Variants in MALRD1 observed in about 807,000 individuals in gnomAD.
MALRD1 encodes the protein MAM and LDL receptor class A domain containing 1.
In MALRD1, 247 loss-of-function variants were observed where a neutral mutation model predicts 242.1. The observed-to-expected ratio is 1.02, with a 90% CI of 0.92 to 1.13. The LOEUF is 1.13. Among genes scored for constraint, MALRD1 ranks in the 50% most tolerant of loss-of-function variants. MALRD1 has a pLI of 0.00. For missense variants in MALRD1, 2,989 were observed against 2,533.1 expected, an observed-to-expected ratio of 1.18 and a Z score of -3.86; for synonymous variants, 995 against 866.6, an observed-to-expected ratio of 1.15 and a Z score of -2.60.
chr10:19,540,676 A>G (rs1032904369), intron 32 of MALRD1, among the ~76,000 whole-genome samples: 1 of 152,188 alleles, frequency 6.6e-6, no homozygotes, highest in African/African-American at 2.4e-5. Flanking sequence ...CCCATCTCAT[A>G]GTTATCACTT....
intron 25 of MALRD1, 105 bp downstream of exon 25, chr10:19,348,123 T>C (rs1844213582): frequency 1.4e-6 from 2 of 1,385,920 alleles, no homozygotes; most frequent in Non-Finnish European, 1.9e-6. Context: ...AGAGAAAAGA[T>C]GAGTTTGAAT....
chr10:19,413,819 C>T (rs940470126), intron 28 of MALRD1, among the ~76,000 whole-genome samples: 8 of 151,916 alleles, frequency 5.3e-5, no homozygotes, highest in South Asian at 4.2e-4. Context: ...CCATCTCTGG[C>T]GGGTACCTGT....
intron 17 of MALRD1, among the ~76,000 whole-genome samples, chr10:19,207,207 A>T (rs1042855576): frequency 9.2e-5 from 14 of 152,324 alleles, no homozygotes; most frequent in African/African-American, 3.1e-4. Context: ...CATGTAAATG[A>T]AGCTAAAATG....
At chr10:19,634,947 G>A (rs112622716) in intron 36 of MALRD1, among the ~76,000 whole-genome samples, 9 of 152,260 alleles carry the variant, frequency 5.9e-5, no homozygotes, top group African/African-American at 1.9e-4. Flanking sequence ...GCAACATCCT[G>A]TACCCCTGAA....
At chr10:19,590,624 A>T (rs1335059373) in intron 33 of MALRD1, among the ~76,000 whole-genome samples, 1 of 152,094 alleles carries the variant, frequency 6.6e-6, no homozygotes, top group Non-Finnish European at 1.5e-5. Flanking sequence ...TTTTCATAAG[A>T]CAGATCAATA....
At chr10:19,363,565 C>T (rs1338423562) in intron 26 of MALRD1, among the ~76,000 whole-genome samples, 5 of 152,124 alleles carry the variant, frequency 3.3e-5, no homozygotes, top group African/African-American at 7.2e-5. Context: ...CCTTGAAATC[C>T]CTTGTCTAAT....
At chr10:19,649,085 C>A (rs888534497) in intron 36 of MALRD1, among the ~76,000 whole-genome samples, 2 of 152,318 alleles carry the variant, frequency 1.3e-5, no homozygotes, top group African/African-American at 2.4e-5. Flanking sequence ...CTTTTTATGG[C>A]TGCATAATAT....
chr10:19,460,877 C>T (rs939729141), intron 29 of MALRD1, among the ~76,000 whole-genome samples: 1 of 152,090 alleles, frequency 6.6e-6, no homozygotes, highest in African/African-American at 2.4e-5. Context: ...ACACTCTGCG[C>T]AGTCCGGGAA....
intron 33 of MALRD1, among the ~76,000 whole-genome samples, chr10:19,576,838 C>T (rs567328929): frequency 2.0e-5 from 3 of 152,166 alleles, no homozygotes; most frequent in African/African-American, 4.8e-5. Context: ...CAGGAAACCA[C>T]GCTCTGAGAT....
chr10:19,444,749 C>A (rs1366347466), intron 28 of MALRD1, among the ~76,000 whole-genome samples: 1 of 152,030 alleles, frequency 6.6e-6, no homozygotes, highest in Non-Finnish European at 1.5e-5. Flanking sequence ...ACATTTTTTC[C>A]TTCATTTCAA....
intron 22 of MALRD1, among the ~76,000 whole-genome samples, chr10:19,326,656 G>A (rs1794143321): frequency 6.6e-6 from 1 of 151,606 alleles, no homozygotes; most frequent in South Asian, 2.1e-4. Flanking sequence ...AGTTTTGCTA[G>A]TAACACATTA....
chr10:19,278,050 G>C (rs1840622937), intron 19 of MALRD1, among the ~76,000 whole-genome samples: 1 of 152,050 alleles, frequency 6.6e-6, no homozygotes, highest in African/African-American at 2.4e-5. Flanking sequence ...ATATTTTTGT[G>C]TGTTTATTTC....
At chr10:19,670,066 G>GCACACA (rs3071775) in intron 36 of MALRD1, among the ~76,000 whole-genome samples, 74 of 148,358 alleles carry the variant, frequency 5.0e-4, no homozygotes, top group East Asian at 6.0e-4. Flanking sequence ...CCTCGCACGT[G>GCACACA]CACACACACA....
rs986881599 is a variant in MALRD1 at position 19,097,340 on chromosome 10, C to G, written c.598-6639C>G. 2.0e-5 allele frequency among the ~76,000 whole-genome samples: 3 copies of G among 151,864 alleles called. No individual in the cohort carries two copies. In the South Asian group the frequency reaches 6.2e-4, roughly 31 times the overall value. On this transcript the variant is annotated intron_variant, in intron 4 of 39. Coordinates refer to ENST00000454679, the MANE Select transcript of MALRD1 (RefSeq NM_001142308.3). ...CATTACAGGGGTTTAGAATACATAGCGGAAAAAAAAGCCCAACCTCTAGTT... is the reference window on the plus strand; with the variant it reads ...CATTACAGGGGTTTAGAATACATAGGGGAAAAAAAAGCCCAACCTCTAGTT...
At chr10:19,304,183 C>A (rs936424506) in intron 21 of MALRD1, among the ~76,000 whole-genome samples, 1 of 151,696 alleles carries the variant, frequency 6.6e-6, no homozygotes, top group African/African-American at 2.4e-5. Flanking sequence ...TTGGCTTGAA[C>A]GAGCAGCCAC....
chr10:19,348,460 T>C (rs975831117), intron 25 of MALRD1, among the ~76,000 whole-genome samples: 1 of 151,350 alleles, frequency 6.6e-6, no homozygotes, highest in Admixed American at 6.6e-5. Context: ...CAAAAAAAAA[T>C]TGTTGAGTAA....
At chr10:19,320,243 CCA>C (rs1423018783) in intron 21 of MALRD1, among the ~76,000 whole-genome samples, 2 of 151,788 alleles carry the variant, frequency 1.3e-5, no homozygotes, top group Non-Finnish European at 2.9e-5. Flanking sequence ...GCGACAGGCC[CCA>C]GTGTGTGATG....
At chr10:19,400,074 C>A (rs970173376) in intron 28 of MALRD1, among the ~76,000 whole-genome samples, 2 of 152,086 alleles carry the variant, frequency 1.3e-5, no homozygotes, top group South Asian at 2.1e-4. Flanking sequence ...TCATTCATTG[C>A]GATTTAAACA....
chr10:19,561,037 T>G (rs1473711386), intron 32 of MALRD1, among the ~76,000 whole-genome samples: 1 of 152,070 alleles, frequency 6.6e-6, no homozygotes, highest in Admixed American at 6.6e-5. Context: ...ATCTAATATA[T>G]CTAATGACAA....
Sources: allele counts gnomAD v4.1 joint callset (sites outside exome capture counted in the v4.1 genomes callset), GRCh38; gene constraint gnomAD v4.1.1; transcripts MANE v1.5; gene names NCBI Gene and HGNC (gene_info 2026-07-23, HGNC 2026-07-21).